The following RPS6KC1 variants were observed in gnomAD, a reference collection of about 807,000 sequenced individuals.
The protein encoded by RPS6KC1 is ribosomal protein S6 kinase C1.
In RPS6KC1, 54 loss-of-function variants were observed where a neutral mutation model predicts 103.8. The observed-to-expected ratio is 0.52, with a 90% confidence interval of 0.42 to 0.65. The LOEUF (loss-of-function observed/expected upper bound fraction) is 0.65. Among genes scored for constraint, RPS6KC1 ranks in the 30% least tolerant of loss-of-function variants. RPS6KC1 has a pLI of 0.00. For synonymous variants in RPS6KC1, 439 were observed against 438.7 expected, an observed-to-expected ratio of 1.00 and a Z score of -0.01; for missense variants, 1,151 against 1,253.8, an observed-to-expected ratio of 0.92 and a Z score of 1.24.
At chr1:213,752,741 A>G in the RPS6KC1 span, among the ~76,000 whole-genome samples, 1 of 152,220 alleles carries the variant, frequency 6.6e-6, no homozygotes, top group East Asian at 1.9e-4. Flanking sequence ...TAGCTGGAGG[A>G]CACCCAGCAC....
At chr1:213,301,818 C>T in the RPS6KC1 span, among the ~76,000 whole-genome samples, 1 of 151,894 alleles carries the variant, frequency 6.6e-6, no homozygotes, top group Non-Finnish European at 1.5e-5. Context: ...TTACTGCAAC[C>T]TCCACCTCCT....
At chr1:213,771,359 A>G in the RPS6KC1 span, among the ~76,000 whole-genome samples, 1 of 152,184 alleles carries the variant, frequency 6.6e-6, no homozygotes, top group Non-Finnish European at 1.5e-5. Flanking sequence ...CCAAGGTAGG[A>G]AACGGATGAC....
chr1:213,209,201 T>C (rs1558541230), intron 8 of RPS6KC1, among the ~76,000 whole-genome samples: 1 of 152,164 alleles, frequency 6.6e-6, no homozygotes, highest in Non-Finnish European at 1.5e-5. Context: ...AATTGTTGTT[T>C]TCTCTCAGTA....
At chr1:213,574,804 G>A in the RPS6KC1 span, among the ~76,000 whole-genome samples, 1 of 152,134 alleles carries the variant, frequency 6.6e-6, no homozygotes, top group East Asian at 1.9e-4. Flanking sequence ...ACTATGGGAG[G>A]GTACTGGGTA....
chr1:213,491,405 G>A, the RPS6KC1 span, among the ~76,000 whole-genome samples: 53 of 152,038 alleles, frequency 3.5e-4, no homozygotes, highest in Non-Finnish European at 6.2e-4. Context: ...AAAATTAATC[G>A]GGCGTAGTAG....
At chr1:213,388,771 G>GA in the RPS6KC1 span, among the ~76,000 whole-genome samples, 1 of 152,220 alleles carries the variant, frequency 6.6e-6, no homozygotes, top group South Asian at 2.1e-4. Flanking sequence ...GGGACATCAG[G>GA]AGATGCTGAT....
At chr1:213,356,819 T>A in the RPS6KC1 span, among the ~76,000 whole-genome samples, 2 of 152,000 alleles carry the variant, frequency 1.3e-5, no homozygotes, top group Admixed American at 1.3e-4. Flanking sequence ...TTTCAGGAAC[T>A]TCTTAGATGC....
chr1:213,130,792 C>T (rs529333494), intron 6 of RPS6KC1, among the ~76,000 whole-genome samples: 1 of 152,224 alleles, frequency 6.6e-6, no homozygotes, highest in African/African-American at 2.4e-5. Context: ...GACCATTTCT[C>T]TTGTTTTTAG....
chr1:213,421,585 G>T, the RPS6KC1 span, among the ~76,000 whole-genome samples: 2 of 152,222 alleles, frequency 1.3e-5, no homozygotes, highest in Non-Finnish European at 2.9e-5. Flanking sequence ...TGGGGCTCCA[G>T]GTTGCCAGCT....
the RPS6KC1 span, among the ~76,000 whole-genome samples, chr1:213,497,153 A>G: frequency 9.9e-5 from 15 of 152,238 alleles, no homozygotes; most frequent in African/African-American, 3.4e-4. Context: ...TGAGTCATCA[A>G]ACCATAAACA....
chr1:213,423,850 T>A, the RPS6KC1 span, among the ~76,000 whole-genome samples: 1 of 152,182 alleles, frequency 6.6e-6, no homozygotes, highest in Non-Finnish European at 1.5e-5. Flanking sequence ...GCTCAAGAGC[T>A]CTTCTGCACA....
At chr1:213,433,549 A>T in the RPS6KC1 span, among the ~76,000 whole-genome samples, 1 of 152,228 alleles carries the variant, frequency 6.6e-6, no homozygotes, top group African/African-American at 2.4e-5. Flanking sequence ...TAGAAAACTG[A>T]AAAATGGTTT....
At chr1:213,093,836 G>C (rs1178262581) in intron 3 of RPS6KC1, among the ~76,000 whole-genome samples, 1 of 152,096 alleles carries the variant, frequency 6.6e-6, no homozygotes, top group African/African-American at 2.4e-5. Flanking sequence ...GCTATTATCT[G>C]TTACTCAGTG....
In RPS6KC1 at chr1:213,131,790, A is replaced by T. The variant is rs114626033; in HGVS notation, c.835+1901A>T. Reference sequence around the variant, plus strand: ...CTAGTGGAGCATTCTGGTCTTAAATATCTATTCATTTTTATTCTTTGCCTT... The same window carrying T: ...CTAGTGGAGCATTCTGGTCTTAAATTTCTATTCATTTTTATTCTTTGCCTT... On this transcript the variant is annotated intron_variant, in intron 6 of 14. Transcript: ENST00000366960. Among the ~76,000 whole-genome samples the T allele has an allele frequency of 7.0e-3, 1,067 of 152,212 alleles. 14 individuals carry two copies. Among genetic ancestry groups the T allele is most frequent in the African/African-American group, 0.024 (1,011 of 41,532 alleles).
chr1:213,737,242 G>A, the RPS6KC1 span, among the ~76,000 whole-genome samples: 115 of 152,318 alleles, frequency 7.5e-4, no homozygotes, highest in African/African-American at 2.6e-3. Flanking sequence ...AGCATTTCTT[G>A]GCCATCTGTC....
At chr1:213,710,046 A>G in the RPS6KC1 span, among the ~76,000 whole-genome samples, 1 of 152,236 alleles carries the variant, frequency 6.6e-6, no homozygotes, top group African/African-American at 2.4e-5. Context: ...TGCTTGGTCC[A>G]GAACTGAGTT....
the RPS6KC1 span, among the ~76,000 whole-genome samples, chr1:213,834,265 T>A: frequency 6.6e-6 from 1 of 152,146 alleles, no homozygotes; most frequent in Admixed American, 6.5e-5. Flanking sequence ...GCTCAAACAA[T>A]CCACCCACCT....
intron 5 of RPS6KC1, among the ~76,000 whole-genome samples, chr1:213,125,306 A>G (rs1427943504): frequency 5.3e-5 from 8 of 152,150 alleles, no homozygotes; most frequent in Admixed American, 5.2e-4. Flanking sequence ...ACACTTTAGC[A>G]TTAAATATTC....
chr1:213,508,841 G>A, the RPS6KC1 span, among the ~76,000 whole-genome samples: 1 of 152,172 alleles, frequency 6.6e-6, no homozygotes, highest in Non-Finnish European at 1.5e-5. Context: ...GGTATCTACT[G>A]TGTTTAGCAG....
Sources: gnomAD v4.1 joint callset for allele counts (sites outside exome capture counted in the v4.1 genomes callset) on GRCh38, gnomAD v4.1.1 for gene constraint, MANE v1.5 for transcripts, NCBI Gene and HGNC (gene_info 2026-07-23, HGNC 2026-07-21) for gene names.